CMPK1: variants seen among roughly 807,000 people sequenced by gnomAD.
CMPK1 encodes cytidine/uridine monophosphate kinase 1.
A neutral mutation model predicts 25.7 loss-of-function variants in CMPK1; 10 were observed. The ratio of observed to expected loss-of-function variants is 0.39; its 90% CI spans 0.24 to 0.66. The LOEUF is 0.66. Among genes scored for constraint, CMPK1 ranks in the 30% least tolerant of loss-of-function variants. The pLI, the probability that CMPK1 is intolerant of heterozygous loss-of-function variation, is 0.48. For synonymous variants in CMPK1, 106 were observed against 101.5 expected, an observed-to-expected ratio of 1.04 and a Z score of -0.27; for missense variants, 199 against 280.5, an observed-to-expected ratio of 0.71 and a Z score of 2.08.
rs1483889117 is a variant in CMPK1, at chr1:47,333,833, G to A, written c.-113G>A. 1.6e-6 allele frequency: 1 copy of A among 630,580 alleles called. No individual in the cohort carries two copies. Among genetic ancestry groups the A allele is most frequent in the Non-Finnish European group, 2.0e-6 (1 of 503,398 alleles). 39.1% of individuals were successfully genotyped at this position (630,580 alleles called of 1,614,324 possible). A position where few individuals can be genotyped will look rare whatever the true frequency, so the allele number is the denominator to read the frequency against. On this transcript the variant is annotated 5_prime_UTR_variant, in exon 1 of 6. Coordinates refer to ENST00000371873, the MANE Select transcript of CMPK1 (RefSeq NM_016308.3). ...GGACGCCCGGGCAGCCACGGCGGCG[G>A]GGCCGCGGCGGGCGCCGGCTCAGCC...
At chr1:47,339,793 C>T (rs531676663) in intron 1 of CMPK1, among the ~76,000 whole-genome samples, 39 of 150,522 alleles carry the variant, frequency 2.6e-4, no homozygotes, top group African/African-American at 5.4e-4. Context: ...CCGCAGCCTC[C>T]GCTTCCCGGG....
At chr1:47,358,095 A>G (rs866728564) in intron 1 of CMPK1, among the ~76,000 whole-genome samples, 1 of 132,532 alleles carries the variant, frequency 7.5e-6, no homozygotes, top group East Asian at 2.6e-4. Context: ...GAGTGCTGTC[A>G]TAGTAGGTCT....
chr1:47,348,252 G>A (rs888438980), intron 1 of CMPK1, among the ~76,000 whole-genome samples: 3 of 152,108 alleles, frequency 2.0e-5, no homozygotes, highest in African/African-American at 7.2e-5. Context: ...CATATATTTT[G>A]ATGTCTTATT....
chr1:47,358,718 TG>T, intron 1 of CMPK1: 1 of 985,352 alleles, frequency 1.0e-6, no homozygotes, highest in Non-Finnish European at 1.2e-6. Flanking sequence ...CTGAGTTCTT[TG>T]TGTTTCTCCA....
intron 1 of CMPK1, among the ~76,000 whole-genome samples, chr1:47,338,722 A>G (rs989316069): frequency 6.6e-6 from 1 of 151,080 alleles, no homozygotes; most frequent in East Asian, 1.9e-4. Context: ...AAAATGAGCT[A>G]TTTTCTAAAT....
chr1:47,375,138 A>T, intron 4 of CMPK1, 59 bp from the exon 5 acceptor site: 1 of 1,386,380 alleles, frequency 7.2e-7, no homozygotes, highest in Non-Finnish European at 1.0e-6. Flanking sequence ...GAGCTCTCCT[A>T]TAACATGTAG....
rs1008556485 is a variant in CMPK1, at chr1:47,368,562, A to G, written c.265A>G (p.Ile89Val). Residue 89 changes from isoleucine to valine, a missense_variant, in exon 2 of 6, where the codon ATT (isoleucine) becomes GTT (valine). Physicochemically the swap from Ile to Val is conservative, Grantham distance 29. Transcript: ENST00000371873. ...GTATGGTGAACTTATTGAAAAGTAC[A>G]TTAAAGAAGGAAAGATTGTACCAGT... ...SQYGELIEKY[I>V]KEGKIVPVEI... is the part of the protein sequence containing the mutation. The G allele has an allele frequency of 2.5e-6, 4 of 1,611,858 alleles. No homozygotes were observed. Among genetic ancestry groups the G allele is most frequent in the Non-Finnish European group, 2.5e-6 (3 of 1,178,886 alleles).
intron 1 of CMPK1, among the ~76,000 whole-genome samples, chr1:47,349,557 G>C (rs1022849072): frequency 6.6e-6 from 1 of 152,130 alleles, no homozygotes; most frequent in Non-Finnish European, 1.5e-5. Flanking sequence ...TGTAGCGTAC[G>C]AGTTGGAGCA....
At chr1:47,374,825 C>A in intron 3 of CMPK1, 84 bp from the exon 4 acceptor site, 1 of 984,870 alleles carries the variant, frequency 1.0e-6, no homozygotes, top group Non-Finnish European at 1.5e-6. Flanking sequence ...TTTTGGTCAT[C>A]TCTTTAAACT....
At chr1:47,366,915 A>G (rs3122609) in intron 1 of CMPK1, among the ~76,000 whole-genome samples, 144,665 of 151,904 alleles carry the variant, frequency 0.95, 69,249 homozygotes, top group East Asian at 1. Context: ...TAGTAGAGAC[A>G]GGGTTTCGCC....
chr1:47,369,864 ATTT>A (rs34739143), intron 2 of CMPK1, among the ~76,000 whole-genome samples: 1 of 126,532 alleles, frequency 7.9e-6, no homozygotes, highest in African/African-American at 3.0e-5. Flanking sequence ...CCGGCCCCCA[ATTT>A]TTTTTTTTTT....
intron 1 of CMPK1, among the ~76,000 whole-genome samples, chr1:47,349,592 C>G (rs2149327844): frequency 6.6e-6 from 1 of 152,200 alleles, no homozygotes; most frequent in East Asian, 1.9e-4. Flanking sequence ...TTAATAAATT[C>G]CTTTATTTCA....
At chr1:47,376,662 A>C (rs1181139425) in intron 5 of CMPK1, 42 bp from the exon 6 acceptor site, 4 of 1,330,894 alleles carry the variant, frequency 3.0e-6, no homozygotes, top group East Asian at 2.3e-5. Context: ...GTATTTTAAC[A>C]GTACCTGCTT....
intron 1 of CMPK1, among the ~76,000 whole-genome samples, chr1:47,352,172 T>G (rs2149328593): frequency 6.6e-6 from 1 of 152,262 alleles, no homozygotes; most frequent in South Asian, 2.1e-4. Flanking sequence ...AAGATGTCTT[T>G]TAATTGGGTT....
intron 1 of CMPK1, among the ~76,000 whole-genome samples, chr1:47,349,870 A>G (rs1198768669): frequency 2.0e-5 from 3 of 152,082 alleles, no homozygotes; most frequent in African/African-American, 7.2e-5. Flanking sequence ...CAGTGGCGCA[A>G]TCTCGGCTCA....
At chr1:47,368,637 C>T (rs377545427) in intron 2 of CMPK1, 22 bp downstream of exon 2, 14 of 1,507,536 alleles carry the variant, frequency 9.3e-6, no homozygotes, top group Non-Finnish European at 1.2e-5. Context: ...GAATGCCAAC[C>T]AGTTCAAACC....
intron 1 of CMPK1, among the ~76,000 whole-genome samples, chr1:47,334,407 A>G (rs1646380672): frequency 1.3e-5 from 2 of 152,108 alleles, no homozygotes; most frequent in African/African-American, 4.8e-5. Flanking sequence ...GGGCTGGGAG[A>G]GGGATCCCGG....
In CMPK1 at chr1:47,377,997, T is replaced by A. The variant is rs1395209785; in HGVS notation, c.*1252T>A. Reference sequence around the variant, plus strand: ...TATCCGAGGTTCTTAATATGAGATTTAAAATCTTAAAATGTTTCTTATTTT... The same window carrying A: ...TATCCGAGGTTCTTAATATGAGATTAAAAATCTTAAAATGTTTCTTATTTT... On this transcript the variant is annotated 3_prime_UTR_variant, in exon 6 of 6. Coordinates refer to ENST00000371873, the MANE Select transcript of CMPK1 (RefSeq NM_016308.3). The A allele has an allele frequency of 6.6e-6, 1 of 152,274 alleles. No homozygotes were observed. Among genetic ancestry groups the A allele is most frequent in the African/African-American group, 2.4e-5 (1 of 41,464 alleles). The allele number at this position is 152,274 out of a possible 1,614,324, so 9.4% of individuals were successfully genotyped here.
At chr1:47,338,255 A>T (rs1646413534) in intron 1 of CMPK1, among the ~76,000 whole-genome samples, 1 of 152,180 alleles carries the variant, frequency 6.6e-6, no homozygotes, top group African/African-American at 2.4e-5. Flanking sequence ...CCTTAGGGAT[A>T]TCTTGCTCTC....
Sources: gnomAD v4.1 joint callset for allele counts (sites outside exome capture counted in the v4.1 genomes callset) on GRCh38, gnomAD v4.1.1 for gene constraint, MANE v1.5 for transcripts, NCBI Gene and HGNC (gene_info 2026-07-23, HGNC 2026-07-21) for gene names.